IRAK4: variants seen among roughly 807,000 people sequenced by gnomAD.
The protein encoded by IRAK4 is interleukin-1 receptor-associated kinase 4.
In IRAK4, 44 loss-of-function variants were observed where a neutral mutation model predicts 51.8. The observed-to-expected ratio is 0.85, with a 90% CI of 0.67 to 1.09. The LOEUF (loss-of-function observed/expected upper bound fraction) is 1.09. Among genes scored for constraint, IRAK4 ranks in the 50% least tolerant of loss-of-function variants. The probability of loss-of-function intolerance (pLI) is 0.00; values close to 1 mark genes in which losing one functional copy is unlikely to be tolerated. For synonymous variants in IRAK4, 149 were observed against 174.1 expected (o/e 0.86, Z 1.13); for missense variants, 487 against 538.0 (o/e 0.91, Z 0.94).
intron 10 of IRAK4, among the ~76,000 whole-genome samples, chr12:43,785,580 G>A (rs977345498): frequency 6.7e-6 from 1 of 150,022 alleles, no homozygotes; most frequent in African/African-American, 2.5e-5. Context: ...GAAGTATCTA[G>A]GAGGTATAAA....
intron 8 of IRAK4, among the ~76,000 whole-genome samples, chr12:43,778,686 A>T (rs372284374): frequency 1.3e-5 from 2 of 152,094 alleles, no homozygotes; most frequent in African/African-American, 4.8e-5. Context: ...ATATTTACCT[A>T]CTATAAGTAA....
At chr12:43,777,105 G>A (rs1311023870) in intron 6 of IRAK4, among the ~76,000 whole-genome samples, 1 of 152,180 alleles carries the variant, frequency 6.6e-6, no homozygotes, top group Non-Finnish European at 1.5e-5. Flanking sequence ...ATAGAAAGAG[G>A]TTTGGCCAGC....
In IRAK4 at chr12:43,772,412, C is replaced by T. The variant is rs545238182; in HGVS notation, c.490+50C>T. 5.6e-5 allele frequency: 84 copies of T among 1,497,774 alleles called. 1 individual carries two copies. The South Asian group carries it at 8.6e-4, about 15-fold the overall frequency. The allele number at this position is 1,497,774 out of a possible 1,614,324, so 92.8% of individuals were successfully genotyped here. A position where few individuals can be genotyped will look rare whatever the true frequency, so the allele number is the denominator to read the frequency against. On this transcript the variant is annotated intron_variant, in intron 4 of 11. Coordinates refer to ENST00000613694, the MANE Select transcript of IRAK4 (RefSeq NM_016123.4). ...CACTAGGGATTTGTCATTAAGACTA[C>T]CAGTGCTTTAAAAGAAAGCTCTTGC...
chr12:43,763,377 A>C (rs1239896621), intron 1 of IRAK4: 2 of 152,246 alleles, frequency 1.3e-5, no homozygotes, highest in Non-Finnish European at 2.9e-5. Context: ...ACAAGAATTC[A>C]GCTCTCTTCT....
chr12:43,786,464 GA>G lies in IRAK4; in HGVS notation c.1256del (p.Asn419MetfsTer39). ...TTGAAGATTATATTGATAAAAAGAT[GA>G]ATGATGCTGATTCCACTTCAGTTGA... ...TIEDYIDKKM[N>X]DADSTSVEAM... On this transcript the variant is annotated frameshift_variant, in exon 11 of 12. Transcript: ENST00000613694. LOFTEE classifies it high-confidence loss of function. 6.2e-7 allele frequency: 1 copy of G among 1,611,066 alleles called. No homozygotes were observed. The highest frequency in any genetic ancestry group is 8.5e-7 in the Non-Finnish European group (1 of 1,178,896).
At chr12:43,770,594 T>C (rs963036289) in intron 2 of IRAK4, among the ~76,000 whole-genome samples, 1 of 152,234 alleles carries the variant, frequency 6.6e-6, no homozygotes, top group East Asian at 1.9e-4. Context: ...TAAATTATTA[T>C]CATCATCTTT....
At chr12:43,778,374 T>C in intron 8 of IRAK4, 72 bp downstream of exon 8, 1 of 842,668 alleles carries the variant, frequency 1.2e-6, no homozygotes, top group Non-Finnish European at 2.1e-6. Context: ...CTATTCACGA[T>C]TCATATGCAG....
At chr12:43,777,815 C>A in intron 7 of IRAK4, 71 bp downstream of exon 7, 1 of 1,274,182 alleles carries the variant, frequency 7.8e-7, no homozygotes, top group Non-Finnish European at 1.1e-6. Context: ...CATTTTGTTA[C>A]TGGATTATTT....
intron 1 of IRAK4, among the ~76,000 whole-genome samples, chr12:43,765,630 C>CAAA (rs545650660): frequency 2.1e-5 from 3 of 140,430 alleles, no homozygotes; most frequent in Admixed American, 1.4e-4. Context: ...ATACATTTTG[C>CAAA]AAAAAAAAAA....
At chr12:43,777,278 A>G (rs1941362372) in intron 6 of IRAK4, among the ~76,000 whole-genome samples, 1 of 152,130 alleles carries the variant, frequency 6.6e-6, no homozygotes, top group Admixed American at 6.5e-5. Context: ...AGTCCAAGCT[A>G]CTTGGGAGGA....
chr12:43,786,854 T>C lies in IRAK4; in HGVS notation c.*139T>C. On this transcript the variant is annotated 3_prime_UTR_variant, in exon 12 of 12. Transcript: ENST00000613694. ...AGGACAGTGGTTATTAAAGCATGGG[T>C]TGAACTTCCAAAATATAAAAATAGA... The C allele has an allele frequency of 2.8e-6, 2 of 718,386 alleles. No homozygotes were observed. Among genetic ancestry groups the C allele is most frequent in the Non-Finnish European group, 4.8e-6 (2 of 419,148 alleles). 44.5% of individuals were successfully genotyped at this position (718,386 alleles called of 1,614,324 possible).
intron 6 of IRAK4, among the ~76,000 whole-genome samples, chr12:43,776,484 G>C (rs1941284080): frequency 6.6e-6 from 1 of 152,224 alleles, no homozygotes; most frequent in Non-Finnish European, 1.5e-5. Context: ...ATAATGAACT[G>C]CTAGAATTGT....
chr12:43,772,893 T>G lies in IRAK4; in HGVS notation c.491-19T>G. 6.4e-7 allele frequency: 1 copy of G among 1,573,980 alleles called. No homozygotes were observed. Among genetic ancestry groups the G allele is most frequent in the Non-Finnish European group, 8.7e-7 (1 of 1,152,150 alleles). On this transcript the variant is annotated intron_variant, in intron 4 of 11. Coordinates refer to ENST00000613694, the MANE Select transcript of IRAK4 (RefSeq NM_016123.4). ...ACGAATTTTTAAAATTTAAGCATGT[T>G]TTTCTTATTTTGACATAGGTTTTCA...
intron 1 of IRAK4, among the ~76,000 whole-genome samples, chr12:43,762,034 T>C (rs1003544445): frequency 7.2e-6 from 1 of 138,408 alleles, no homozygotes; most frequent in Non-Finnish European, 1.5e-5. Context: ...GATGACACTT[T>C]TTAAGTTTTT....
chr12:43,782,525 A>G, intron 9 of IRAK4, 35 bp downstream of exon 9: 1 of 1,492,328 alleles, frequency 6.7e-7, no homozygotes. Context: ...AAAAATAATC[A>G]TTCTGCTATA....
intron 2 of IRAK4, among the ~76,000 whole-genome samples, chr12:43,769,312 A>G (rs1404671056): frequency 6.6e-6 from 1 of 152,164 alleles, no homozygotes; most frequent in East Asian, 1.9e-4. Context: ...ACCTAAAAGC[A>G]TAAGGTGAAA....
Position 43,778,224 on chromosome 12 carries a change from G to A in IRAK4, c.863G>A (p.Arg288Lys). ...ACTCCACCACTTTCTTGGCACATGA[G>A]ATGCAAGATTGCTCAGGGTGCAGCT... Reference protein sequence around the residue: ...DGTPPLSWHMRCKIAQGAANG... With the variant: ...DGTPPLSWHMKCKIAQGAANG... The change falls in exon 8 of 12, where the codon AGA becomes AAA. Residue 288 changes from arginine (R) to lysine (K), a missense_variant. Arg to Lys is a conservative substitution (Grantham distance 26). Coordinates refer to ENST00000613694, the MANE Select transcript of IRAK4 (RefSeq NM_016123.4). 1.2e-6 allele frequency: 2 copies of A among 1,610,048 alleles called. No individual in the cohort carries two copies. The highest frequency in any genetic ancestry group is 1.7e-6 in the Non-Finnish European group (2 of 1,176,456).
At chr12:43,780,463 C>T (rs1448243979) in intron 8 of IRAK4, among the ~76,000 whole-genome samples, 1 of 151,936 alleles carries the variant, frequency 6.6e-6, no homozygotes, top group Non-Finnish European at 1.5e-5. Context: ...GAAAGCAGCT[C>T]AAGCAGAGGA....
intron 8 of IRAK4, among the ~76,000 whole-genome samples, chr12:43,778,892 A>C (rs1025047821): frequency 6.6e-6 from 1 of 152,188 alleles, no homozygotes; most frequent in Non-Finnish European, 1.5e-5. Flanking sequence ...AAGTAGACAC[A>C]ATTTGAGGGT....
Sources: gnomAD v4.1 joint callset for allele counts (sites outside exome capture counted in the v4.1 genomes callset) on GRCh38, gnomAD v4.1.1 for gene constraint, MANE v1.5 for transcripts, NCBI Gene and HGNC (gene_info 2026-07-23, HGNC 2026-07-21) for gene names.